MGAT5B: variants seen among roughly 807,000 people sequenced by gnomAD.
MGAT5B encodes alpha-1,6-mannosylglycoprotein 6-beta-N-acetylglucosaminyltransferase B.
A neutral mutation model predicts 95.1 loss-of-function variants in MGAT5B; 54 were observed. The observed-to-expected ratio is 0.57, with a 90% CI of 0.46 to 0.71. The LOEUF is 0.71. Among genes scored for constraint, MGAT5B ranks in the 30% least tolerant of loss-of-function variants. The pLI, the probability that MGAT5B is intolerant of heterozygous loss-of-function variation, is 0.00. For missense variants in MGAT5B, 935 were observed against 1,088.6 expected, an observed-to-expected ratio of 0.86 and a Z score of 1.99; for synonymous variants, 464 against 451.0, an observed-to-expected ratio of 1.03 and a Z score of -0.36.
intron 8 of MGAT5B, among the ~76,000 whole-genome samples, chr17:76,908,744 C>A (rs552848810): frequency 5.9e-4 from 89 of 151,540 alleles, no homozygotes; most frequent in Admixed American, 1.8e-3. Context: ...CATTTTAAGT[C>A]CACTCTTCAA....
intron 2 of MGAT5B, among the ~76,000 whole-genome samples, chr17:76,879,770 C>G (rs979165077): frequency 6.6e-6 from 1 of 152,164 alleles, no homozygotes; most frequent in Non-Finnish European, 1.5e-5. Context: ...ATCTCTGAAA[C>G]GAGAGTGATC....
chr17:76,928,229 T>C (rs751638790), intron 10 of MGAT5B, among the ~76,000 whole-genome samples: 20 of 152,094 alleles, frequency 1.3e-4, no homozygotes, highest in Non-Finnish European at 2.8e-4. Flanking sequence ...CAAGGTTGCA[T>C]GAGACTTCTT....
intron 12 of MGAT5B, among the ~76,000 whole-genome samples, chr17:76,934,989 C>T (rs1264761956): frequency 1.3e-5 from 2 of 152,064 alleles, no homozygotes; most frequent in African/African-American, 4.8e-5. Flanking sequence ...GAGCTGGGGA[C>T]CCAGGGCAAG....
chr17:76,944,826 C>T (rs1203479062), intron 15 of MGAT5B, among the ~76,000 whole-genome samples: 1 of 152,150 alleles, frequency 6.6e-6, no homozygotes, highest in Non-Finnish European at 1.5e-5. Flanking sequence ...AAGGCAGGAC[C>T]GAGCTTGGCG....
rs1346424394 is a variant in MGAT5B, at chr17:76,869,521, C to T, written c.68+424C>T. ...GCTCCCCCTCCGGTCCCTCCCGTCC[C>T]GCCCGTCTGCCCCTAGGTCGGCTAC... On this transcript the variant is annotated intron_variant, in intron 1 of 17. Transcript: ENST00000569840. The surrounding 1 kb of genome is among the most constrained non-coding windows in gnomAD (Gnocchi z 7.0). Among the ~76,000 whole-genome samples, 2 of 152,150 alleles carry T rather than the reference C, an allele frequency of 1.3e-5. No homozygotes were observed. Among genetic ancestry groups the T allele is most frequent in the Non-Finnish European group, 2.9e-5 (2 of 68,010 alleles).
At chr17:76,896,728 C>T (rs1437302849) in intron 3 of MGAT5B, among the ~76,000 whole-genome samples, 2 of 152,200 alleles carry the variant, frequency 1.3e-5, no homozygotes, top group African/African-American at 2.4e-5. Flanking sequence ...CAGGGTTTCA[C>T]TCTTTCCAAT....
intron 16 of MGAT5B, among the ~76,000 whole-genome samples, 163 bp from the exon 17 acceptor site, chr17:76,947,667 G>A (rs927000269): frequency 1.3e-5 from 2 of 152,234 alleles, no homozygotes; most frequent in African/African-American, 4.8e-5. Context: ...AGACACGAGT[G>A]TCCATGAGAA....
rs189962196 is a variant in MGAT5B at position 76,914,933 on chromosome 17, C to T, written c.1025+8746C>T. Among the ~76,000 whole-genome samples, 112 of 152,290 alleles carry T rather than the reference C, an allele frequency of 7.4e-4. No individual in the cohort carries two copies. Among genetic ancestry groups the T allele is most frequent in the African/African-American group, 1.2e-3 (51 of 41,562 alleles). On this transcript the variant is annotated intron_variant, in intron 8 of 17. Transcript: ENST00000569840. This position sits in a 1 kb window ranked among gnomAD's most constrained non-coding sequence, Gnocchi z 5.1. ...GATTACAGGCGTGAGCCACTGCCCC[C>T]GGCCACGTTTCTTCTTTTTATAAGG... is the stretch of plus-strand genomic sequence containing the variant.
In MGAT5B at chr17:76,915,513, C is replaced by T. The variant is rs1030612869; in HGVS notation, c.1025+9326C>T. ...CCAGGGTTTGTAATATGCTATCCCTCGAAACAAACAGGATTCGAACCAAAT... is the reference window on the plus strand; with the variant it reads ...CCAGGGTTTGTAATATGCTATCCCTTGAAACAAACAGGATTCGAACCAAAT... On this transcript the variant is annotated intron_variant, in intron 8 of 17. Transcript: ENST00000569840. This position sits in a 1 kb window ranked among gnomAD's most constrained non-coding sequence, Gnocchi z 8.7. Among the ~76,000 whole-genome samples, 5 of 152,020 alleles carry T rather than the reference C, an allele frequency of 3.3e-5. No homozygotes were observed. Among genetic ancestry groups the T allele is most frequent in the East Asian group, 3.9e-4 (2 of 5,188 alleles).
intron 10 of MGAT5B, among the ~76,000 whole-genome samples, chr17:76,929,071 G>T (rs983428372): frequency 3.3e-5 from 5 of 152,066 alleles, no homozygotes; most frequent in Non-Finnish European, 5.9e-5. Context: ...TTACCTTGTT[G>T]CCCAGGCTGG....
At chr17:76,928,446 C>T (rs899716711) in intron 10 of MGAT5B, among the ~76,000 whole-genome samples, 2 of 152,076 alleles carry the variant, frequency 1.3e-5, no homozygotes, top group Non-Finnish European at 2.9e-5. Context: ...GTGGCTCACA[C>T]CTGTAATCCC....
intron 3 of MGAT5B, among the ~76,000 whole-genome samples, chr17:76,885,396 G>T (rs1967589774): frequency 6.6e-6 from 1 of 152,196 alleles, no homozygotes; most frequent in Non-Finnish European, 1.5e-5. Flanking sequence ...TCAGGAGCAG[G>T]CCTTTTTGGT....
intron 2 of MGAT5B, 32 bp downstream of exon 2, chr17:76,872,995 G>A (rs1568160056): frequency 1.2e-6 from 2 of 1,607,676 alleles, no homozygotes; most frequent in East Asian, 4.5e-5. Flanking sequence ...AGTGTGAGAT[G>A]AGTGAGGGCG....
At chr17:76,874,400 G>A (rs1387626802) in intron 2 of MGAT5B, among the ~76,000 whole-genome samples, 1 of 152,124 alleles carries the variant, frequency 6.6e-6, no homozygotes, top group Non-Finnish European at 1.5e-5. Context: ...TGAGGATTGA[G>A]GTGGGTGGGG....
chr17:76,947,483 C>G (rs1487356405), intron 16 of MGAT5B, among the ~76,000 whole-genome samples: 2 of 152,098 alleles, frequency 1.3e-5, no homozygotes, highest in Non-Finnish European at 2.9e-5. Context: ...CCATGGAGGG[C>G]AGGGCTCGTG....
chr17:76,904,136 TG>T, intron 5 of MGAT5B, 115 bp from the exon 6 acceptor site: 1 of 1,028,862 alleles, frequency 9.7e-7, no homozygotes, highest in Non-Finnish European at 1.4e-6. Flanking sequence ...ATCAGTAGGG[TG>T]GGCCACATGG....
chr17:76,890,799 G>A (rs529702290), intron 3 of MGAT5B, among the ~76,000 whole-genome samples: 2 of 152,052 alleles, frequency 1.3e-5, no homozygotes, highest in South Asian at 4.2e-4. Flanking sequence ...CACCGTGCCC[G>A]GCCTCAAGCA....
At chr17:76,901,366 G>A (rs1286810949) in intron 3 of MGAT5B, among the ~76,000 whole-genome samples, 1 of 151,488 alleles carries the variant, frequency 6.6e-6, no homozygotes, top group Non-Finnish European at 1.5e-5. Flanking sequence ...AAGCCACGGG[G>A]TGAGGTGAGA....
In MGAT5B at chr17:76,890,028, G is replaced by A. The variant is rs563062461; in HGVS notation, c.329+7730G>A. On this transcript the variant is annotated intron_variant, in intron 3 of 17. Coordinates refer to ENST00000569840, the MANE Select transcript of MGAT5B (RefSeq NM_001199172.2). Reference sequence around the variant, plus strand: ...CCCTACTGTTGGCCATGCCGTGGGTGGTCTCCTGGCCTGGCTTGGGAATAA... The same window carrying A: ...CCCTACTGTTGGCCATGCCGTGGGTAGTCTCCTGGCCTGGCTTGGGAATAA... 2.0e-5 allele frequency among the ~76,000 whole-genome samples: 3 copies of A among 152,352 alleles called. No homozygotes were observed. In the South Asian group the frequency reaches 6.2e-4, roughly 32 times the overall value.
Sources: allele counts gnomAD v4.1 joint callset (sites outside exome capture counted in the v4.1 genomes callset), GRCh38; gene constraint gnomAD v4.1.1; non-coding constraint Gnocchi (gnomAD v3.1); transcripts MANE v1.5; gene names NCBI Gene and HGNC (gene_info 2026-07-23, HGNC 2026-07-21).